Variants in ANK3 observed in about 807,000 individuals in gnomAD.
The protein encoded by ANK3 is ankyrin-3.
Under a neutral mutation model 370.9 loss-of-function variants are expected in ANK3, and 57 were observed. The ratio of observed to expected loss-of-function variants is 0.15; its 90% CI spans 0.12 to 0.19. The LOEUF (loss-of-function observed/expected upper bound fraction) is 0.19. Among genes scored for constraint, ANK3 ranks in the 10% least tolerant of loss-of-function variants. The pLI is 1.00. For missense variants in ANK3, 4,439 were observed against 5,302.1 expected (o/e 0.84, Z 5.06); for synonymous variants, 1,929 against 1,946.3 (o/e 0.99, Z 0.23).
At chr10:60,352,156 G>A (rs930606483) in intron 1 of ANK3, among the ~76,000 whole-genome samples, 3 of 152,110 alleles carry the variant, frequency 2.0e-5, no homozygotes, top group Admixed American at 6.5e-5. Flanking sequence ...AATTAGTCAG[G>A]CATGGTGAGG....
At chr10:60,491,832 C>T (rs764925694) in intron 2 of ANK3, among the ~76,000 whole-genome samples, 33 of 152,190 alleles carry the variant, frequency 2.2e-4, no homozygotes, top group Non-Finnish European at 4.4e-4. Context: ...TTTCATCTCT[C>T]TGCACCTCTG....
intron 1 of ANK3, among the ~76,000 whole-genome samples, chr10:60,308,320 G>A (rs1389375576): frequency 4.8e-5 from 5 of 103,448 alleles, no homozygotes; most frequent in Admixed American, 2.8e-4. Flanking sequence ...TTTTTTTTGA[G>A]ATGGAGTCTC....
rs1266123136 is a variant in ANK3 at position 60,069,253 on chromosome 10, G to A, written c.11628C>T (p.Phe3876=). 1 of 1,614,042 alleles carries A rather than the reference G, an allele frequency of 6.2e-7. No individual in the cohort carries two copies. Among genetic ancestry groups the A allele is most frequent in the African/African-American group, 1.3e-5 (1 of 74,916 alleles). ...TAGTGTTTGACATATGGTTCGGTGG[G>A]AAGGTATCTTTTGGTGAAGTGGCCT... ...PIKATSPKDT[F]PPNHMSNTKA... Residue 3876 remains phenylalanine, a synonymous_variant, in exon 37 of 44, where the codon TTC becomes TTT. Transcript: ENST00000280772.
intron 1 of ANK3, among the ~76,000 whole-genome samples, chr10:60,361,923 C>G (rs2058670990): frequency 6.6e-6 from 1 of 151,936 alleles, no homozygotes; most frequent in Non-Finnish European, 1.5e-5. Context: ...AAAACACATA[C>G]ACACGGTTTC....
chr10:60,490,566 G>A (rs1340026520), intron 2 of ANK3, among the ~76,000 whole-genome samples: 1 of 152,132 alleles, frequency 6.6e-6, no homozygotes, highest in Non-Finnish European at 1.5e-5. Context: ...ATCCATGACT[G>A]TTCTAAAGCT....
chr10:60,719,293 T>C (rs1340812474), intron 1 of ANK3, among the ~76,000 whole-genome samples: 1 of 152,160 alleles, frequency 6.6e-6, no homozygotes, highest in East Asian at 1.9e-4. Flanking sequence ...ACAAACACTG[T>C]TGTAATAAGC....
chr10:60,482,665 T>C (rs892310069), intron 2 of ANK3, among the ~76,000 whole-genome samples: 1 of 152,084 alleles, frequency 6.6e-6, no homozygotes, highest in African/African-American at 2.4e-5. Flanking sequence ...TTTTGTAATT[T>C]TTGTAGGGAC....
intron 2 of ANK3, among the ~76,000 whole-genome samples, chr10:60,413,463 T>C (rs1003608434): frequency 1.3e-5 from 2 of 152,238 alleles, no homozygotes; most frequent in African/African-American, 4.8e-5. Flanking sequence ...AGGTAGTTAT[T>C]GAGTAACTTC....
At chr10:60,383,748 A>G (rs2061866650) in intron 1 of ANK3, among the ~76,000 whole-genome samples, 2 of 152,210 alleles carry the variant, frequency 1.3e-5, no homozygotes, top group South Asian at 4.1e-4. Context: ...ATAAAGATCT[A>G]CACAATCTTC....
At chr10:60,268,448 T>C (rs957997957) in intron 5 of ANK3, among the ~76,000 whole-genome samples, 5 of 152,198 alleles carry the variant, frequency 3.3e-5, no homozygotes, top group Admixed American at 3.3e-4. Context: ...CAGCGTGTTA[T>C]TGTATAAATA....
Position 60,201,338 on chromosome 10 carries a change from A to T in ANK3, c.1393-1111T>A, listed in dbSNP as rs2096670319. On this transcript the variant is annotated intron_variant, in intron 12 of 43. Coordinates refer to ENST00000280772, the MANE Select transcript of ANK3 (RefSeq NM_020987.5). ...AGATGCACTCTTACTGGGGAGCCCC[A>T]CTCTCAGGGTAAGCGTGCAGGGCCT... Among the ~76,000 whole-genome samples, 4 of 152,124 alleles carry T rather than the reference A, an allele frequency of 2.6e-5. No individual in the cohort carries two copies. In the South Asian group the frequency reaches 8.3e-4, roughly 32 times the overall value.
chr10:60,141,321 G>A (rs1350373100), intron 23 of ANK3, among the ~76,000 whole-genome samples: 2 of 152,106 alleles, frequency 1.3e-5, no homozygotes, highest in South Asian at 2.1e-4. Context: ...TCCTTCGAGA[G>A]GTCCCTGGAG....
In ANK3 at chr10:60,075,830, G is replaced by A; in HGVS notation, c.5051C>T (p.Ser1684Leu). ...GGCTGATGAAATGACATCAACTGCT[G>A]ATTTAACTGGAGACACCACTGACTT... ...PLKSVVSPVK[S>L]AVDVISSAKI... The change falls in exon 37 of 44, where the codon TCA becomes TTA. Residue 1684 changes from serine (S) to leucine (L), a missense_variant. Around this residue, in one of 13 missense-constraint regions of ANK3, gnomAD observed 679 missense variants for 791.0 expected, o/e 0.86. Transcript: ENST00000280772. 1.2e-6 allele frequency: 2 copies of A among 1,614,040 alleles called. No homozygotes were observed. Among genetic ancestry groups the A allele is most frequent in the Non-Finnish European group, 1.7e-6 (2 of 1,179,880 alleles).
chr10:60,154,181 G>A (rs2095251877), intron 23 of ANK3, among the ~76,000 whole-genome samples: 1 of 152,136 alleles, frequency 6.6e-6, no homozygotes, highest in Non-Finnish European at 1.5e-5. Context: ...TGATATAAGA[G>A]GTTCTTGTAA....
At chr10:60,418,339 G>C (rs2063711759) in intron 2 of ANK3, among the ~76,000 whole-genome samples, 1 of 152,030 alleles carries the variant, frequency 6.6e-6, no homozygotes, top group African/African-American at 2.4e-5. Flanking sequence ...GTCTCGTTAG[G>C]TGGTTAACAT....
intron 25 of ANK3, among the ~76,000 whole-genome samples, chr10:60,127,633 G>C (rs192985815): frequency 6.6e-6 from 1 of 151,682 alleles, no homozygotes; most frequent in Non-Finnish European, 1.5e-5. Context: ...CCTTTTATCT[G>C]TCTGAAGGTC....
intron 2 of ANK3, among the ~76,000 whole-genome samples, chr10:60,410,799 G>A (rs1225808214): frequency 6.6e-6 from 1 of 152,054 alleles, no homozygotes; most frequent in African/African-American, 2.4e-5. Context: ...CTGAGTAGCT[G>A]GGACTACAGG....
At chr10:60,494,161 T>C (rs142415359) in intron 2 of ANK3, among the ~76,000 whole-genome samples, 1 of 152,312 alleles carries the variant, frequency 6.6e-6, no homozygotes, top group Non-Finnish European at 1.5e-5. Context: ...CTTTTGGTTA[T>C]ATGAGAGAAT....
At chr10:60,572,370 T>A in intron 2 of ANK3, 1 of 1,260,110 alleles carries the variant, frequency 7.9e-7, no homozygotes, top group Non-Finnish European at 1.1e-6. Context: ...TTCTTAAAAA[T>A]CTAAAGCCAA....
Sources: gnomAD v4.1 joint callset for allele counts (sites outside exome capture counted in the v4.1 genomes callset) on GRCh38, gnomAD v4.1.1 for gene constraint, gnomAD v4.1.1 regional missense constraint, MANE v1.5 for transcripts, NCBI Gene and HGNC (gene_info 2026-07-23, HGNC 2026-07-21) for gene names.